The following PI4K2B variants were observed in gnomAD, a reference collection of about 807,000 sequenced individuals.
The protein encoded by PI4K2B is phosphatidylinositol 4-kinase type 2-beta.
A neutral mutation model predicts 56.6 loss-of-function variants in PI4K2B; 46 were observed. The observed-to-expected ratio is 0.81, with a 90% CI of 0.64 to 1.04. The LOEUF (loss-of-function observed/expected upper bound fraction) is 1.04. PI4K2B is among the 50% of genes least tolerant of loss of function. The probability of loss-of-function intolerance (pLI) is 0.00; values close to 1 mark genes in which losing one functional copy is unlikely to be tolerated. For missense variants in PI4K2B, 556 were observed against 607.7 expected (o/e 0.91, Z 0.89); for synonymous variants, 211 against 223.8 (o/e 0.94, Z 0.51).
At chr4:25,266,193 G>C (rs1275640221) in intron 7 of PI4K2B, among the ~76,000 whole-genome samples, 1 of 151,690 alleles carries the variant, frequency 6.6e-6, no homozygotes, top group Non-Finnish European at 1.5e-5. Context: ...TGAATGACAA[G>C]GTCCCCCTCT....
At chr4:25,245,017 T>C (rs917067421) in intron 1 of PI4K2B, among the ~76,000 whole-genome samples, 2 of 152,188 alleles carry the variant, frequency 1.3e-5, no homozygotes, top group Non-Finnish European at 2.9e-5. Flanking sequence ...TCTCCAGGGT[T>C]GGAAGAGTGA....
intron 6 of PI4K2B, among the ~76,000 whole-genome samples, chr4:25,261,727 T>A: frequency 8.4e-5 from 1 of 11,918 alleles, no homozygotes; most frequent in African/African-American, 2.8e-4. Context: ...AAAGGGAACA[T>A]ATTGTATATT....
intron 1 of PI4K2B, among the ~76,000 whole-genome samples, chr4:25,250,011 A>T (rs1299732695): frequency 6.6e-6 from 1 of 152,198 alleles, no homozygotes; most frequent in Non-Finnish European, 1.5e-5. Flanking sequence ...CACGGTCAGG[A>T]ACTGGAGACC....
At chr4:25,252,266 T>C in intron 1 of PI4K2B, 55 bp from the exon 2 acceptor site, 2 of 1,316,206 alleles carry the variant, frequency 1.5e-6, no homozygotes, top group South Asian at 1.2e-5. Flanking sequence ...AGCTAATCGA[T>C]ATTACAGGTC....
intron 7 of PI4K2B, among the ~76,000 whole-genome samples, chr4:25,267,019 T>C (rs1345554450): frequency 2.0e-5 from 3 of 150,548 alleles, no homozygotes; most frequent in African/African-American, 7.3e-5. Flanking sequence ...AGAGAAGGAG[T>C]AGCTTACAAG....
At chr4:25,260,979 A>G (rs1416981568) in intron 6 of PI4K2B, among the ~76,000 whole-genome samples, 1 of 148,930 alleles carries the variant, frequency 6.7e-6, no homozygotes, top group Non-Finnish European at 1.5e-5. Context: ...AAGTGCTGGG[A>G]TTACAGTCAT....
chr4:25,255,422 T>G (rs1378908413), intron 3 of PI4K2B, among the ~76,000 whole-genome samples, 157 bp downstream of exon 3: 1 of 152,164 alleles, frequency 6.6e-6, no homozygotes, highest in Admixed American at 6.5e-5. Context: ...GTAAATTGAT[T>G]GTAGTGTAGA....
intron 9 of PI4K2B, among the ~76,000 whole-genome samples, chr4:25,275,472 TG>T (rs1717060948): frequency 6.6e-6 from 1 of 152,072 alleles, no homozygotes; most frequent in South Asian, 2.1e-4. Context: ...AAGACCAGTC[TG>T]GGCAACAAAG....
At position 25,276,592 on chromosome 4, in the gene PI4K2B, A is replaced by G. The variant is rs1035707946; in HGVS notation, c.1273-422A>G. ...GCAGAACCTCGCACATAGTAGGCATACAATAAATTTGTTGAATGAATGGAT... is the reference window on the plus strand; with the variant it reads ...GCAGAACCTCGCACATAGTAGGCATGCAATAAATTTGTTGAATGAATGGAT... On this transcript the variant is annotated intron_variant, in intron 9 of 9. Coordinates refer to ENST00000264864, the MANE Select transcript of PI4K2B (RefSeq NM_018323.4). 3 of 910,908 alleles carry G rather than the reference A, an allele frequency of 3.3e-6. No homozygotes were observed. The African/African-American group carries it at 5.4e-5, about 16-fold the overall frequency. 56.4% of individuals were successfully genotyped at this position (910,908 alleles called of 1,614,324 possible).
chr4:25,260,500 A>G (rs369343310), intron 5 of PI4K2B, 24 bp from the exon 6 acceptor site: 34 of 1,152,280 alleles, frequency 3.0e-5, no homozygotes, highest in Non-Finnish European at 3.9e-5. Flanking sequence ...ATGAAGTAAC[A>G]GATTTTCTTG....
At chr4:25,248,521 G>A (rs1715892543) in intron 1 of PI4K2B, among the ~76,000 whole-genome samples, 1 of 151,926 alleles carries the variant, frequency 6.6e-6, no homozygotes, top group Non-Finnish European at 1.5e-5. Flanking sequence ...AGGGTCTTGG[G>A]GGTCATAATG....
At chr4:25,268,665 T>G in intron 8 of PI4K2B, 89 bp downstream of exon 8, 1 of 856,340 alleles carries the variant, frequency 1.2e-6, no homozygotes, top group Non-Finnish European at 1.8e-6. Flanking sequence ...AATTTTCTAT[T>G]TCTTGTATTG....
chr4:25,238,509 GTTC>G (rs1715364299), intron 1 of PI4K2B, among the ~76,000 whole-genome samples: 1 of 152,196 alleles, frequency 6.6e-6, no homozygotes, highest in African/African-American at 2.4e-5. Flanking sequence ...TAGTGTTACA[GTTC>G]TTAAAGGCGG....
At chr4:25,255,366 C>A in intron 3 of PI4K2B, 101 bp downstream of exon 3, 2 of 1,037,540 alleles carry the variant, frequency 1.9e-6, no homozygotes, top group Non-Finnish European at 2.9e-6. Context: ...TAAAGTGGAG[C>A]CCCTTTTTTG....
Position 25,246,848 on chromosome 4 carries a change from C to T in PI4K2B, c.269-5473C>T, listed in dbSNP as rs185052798. ...GACCCAGCAGCACCCTCTGCAGCTG[C>T]TGGCGCGGGTGCTAAGCCCCTCACT... On this transcript the variant is annotated intron_variant, in intron 1 of 9. Coordinates refer to ENST00000264864, the MANE Select transcript of PI4K2B (RefSeq NM_018323.4). 2.7e-3 allele frequency among the ~76,000 whole-genome samples: 407 copies of T among 152,350 alleles called. 2 individuals are homozygous for T. Among genetic ancestry groups the T allele is most frequent in the African/African-American group, 9.1e-3 (380 of 41,588 alleles).
intron 5 of PI4K2B, 128 bp from the exon 6 acceptor site, chr4:25,260,396 A>T (rs1716415799): frequency 2.6e-6 from 1 of 390,380 alleles, no homozygotes; most frequent in Non-Finnish European, 4.9e-6. Flanking sequence ...TTAAATTGTG[A>T]CCTTTAATAT....
At chr4:25,242,497 C>G (rs915488352) in intron 1 of PI4K2B, among the ~76,000 whole-genome samples, 5 of 152,190 alleles carry the variant, frequency 3.3e-5, no homozygotes, top group African/African-American at 9.7e-5. Flanking sequence ...AACCGTGAAC[C>G]ATTCTGCTTC....
chr4:25,263,907 G>A, intron 7 of PI4K2B, 58 bp downstream of exon 7: 1 of 732,654 alleles, frequency 1.4e-6, no homozygotes. Flanking sequence ...GAATGAGAAG[G>A]GAAAAAAATT....
At chr4:25,264,000 T>C (rs2109020738) in intron 7 of PI4K2B, 151 bp downstream of exon 7, 1 of 482,982 alleles carries the variant, frequency 2.1e-6, no homozygotes, top group Non-Finnish European at 3.7e-6. Flanking sequence ...GATGCAAATG[T>C]ATACTACAGG....
Sources: allele counts gnomAD v4.1 joint callset (sites outside exome capture counted in the v4.1 genomes callset), GRCh38; gene constraint gnomAD v4.1.1; transcripts MANE v1.5; gene names NCBI Gene and HGNC (gene_info 2026-07-23, HGNC 2026-07-21).